The following ANO10 variants were observed in gnomAD, a reference collection of about 807,000 sequenced individuals.
ANO10 encodes the protein anoctamin-10.
ANO10 carries 77 observed loss-of-function variants against 74.7 expected under a neutral mutation model. That is an observed-to-expected ratio of 1.03 (90% CI 0.86 to 1.25). ANO10 has a LOEUF of 1.25. ANO10 is among the 50% of genes most tolerant of loss of function. The pLI is 0.00. For synonymous variants in ANO10, 279 were observed against 284.9 expected, an observed-to-expected ratio of 0.98 and a Z score of 0.21; for missense variants, 721 against 778.1, an observed-to-expected ratio of 0.93 and a Z score of 0.87.
chr3:43,671,212 G>C (rs1384530217), intron 1 of ANO10, among the ~76,000 whole-genome samples: 1 of 152,076 alleles, frequency 6.6e-6, no homozygotes, highest in Admixed American at 6.6e-5. Context: ...AAGTTTATTT[G>C]GTCCCCACAG....
At chr3:43,654,849 C>T (rs1453792692) in intron 1 of ANO10, among the ~76,000 whole-genome samples, 1 of 152,178 alleles carries the variant, frequency 6.6e-6, no homozygotes, top group Non-Finnish European at 1.5e-5. Context: ...ACTCCATGGG[C>T]TACAGTCCTT....
intron 4 of ANO10, among the ~76,000 whole-genome samples, chr3:43,585,305 A>G (rs2081425889): frequency 1.3e-5 from 2 of 152,090 alleles, no homozygotes; most frequent in African/African-American, 4.8e-5. Context: ...ATTTTATTGT[A>G]TTCATATTTA....
At chr3:43,568,168 AC>A (rs940896310) in intron 7 of ANO10, among the ~76,000 whole-genome samples, 1 of 152,220 alleles carries the variant, frequency 6.6e-6, no homozygotes, top group African/African-American at 2.4e-5. Context: ...ATACAGGAGC[AC>A]CAAGATTCAT....
At chr3:43,566,540 G>C (rs551638132) in intron 7 of ANO10, among the ~76,000 whole-genome samples, 1 of 152,202 alleles carries the variant, frequency 6.6e-6, no homozygotes, top group Non-Finnish European at 1.5e-5. Flanking sequence ...TGACCCCCGA[G>C]CAGCCTAACT....
chr3:43,678,424 T>G (rs1477650014), intron 1 of ANO10, among the ~76,000 whole-genome samples: 1 of 152,176 alleles, frequency 6.6e-6, no homozygotes, highest in Non-Finnish European at 1.5e-5. Flanking sequence ...CGCCACACCC[T>G]GGGCCTGGTA....
intron 11 of ANO10, among the ~76,000 whole-genome samples, chr3:43,501,093 G>C (rs918576459): frequency 1.3e-5 from 2 of 152,330 alleles, no homozygotes; most frequent in Admixed American, 1.3e-4. Context: ...ATAAAGAAAA[G>C]AGGTTTATTT....
At chr3:43,585,101 T>C (rs2081418992) in intron 4 of ANO10, among the ~76,000 whole-genome samples, 1 of 152,222 alleles carries the variant, frequency 6.6e-6, no homozygotes, top group Non-Finnish European at 1.5e-5. Flanking sequence ...GTCATAGTTT[T>C]AATTATGCAT....
chr3:43,670,859 C>G lies in ANO10; in HGVS notation c.-12+20658G>C, dbSNP rs562205092. 2.6e-5 allele frequency among the ~76,000 whole-genome samples: 4 copies of G among 152,302 alleles called. No individual in the cohort carries two copies. The South Asian group carries it at 8.3e-4, about 32-fold the overall frequency. On this transcript the variant is annotated intron_variant, in intron 1 of 3. Coordinates refer to the ANO10 transcript ENST00000413397. ...AACAGATGCAAACCCATTATCACTG[C>G]TAGAAACGCAACTCCTGGAGTGTGC...
intron 12 of ANO10, among the ~76,000 whole-genome samples, chr3:43,382,868 T>C (rs994094935): frequency 6.6e-6 from 1 of 152,112 alleles, no homozygotes; most frequent in Non-Finnish European, 1.5e-5. Flanking sequence ...AGCAGTGAGA[T>C]TGAAATGGTA....
intron 12 of ANO10, chr3:43,424,409 G>A (rs183348307): frequency 6.6e-6 from 1 of 152,194 alleles, no homozygotes; most frequent in Non-Finnish European, 1.5e-5. Context: ...TCTTGCCTGG[G>A]AGCCAGACCA....
intron 11 of ANO10, among the ~76,000 whole-genome samples, chr3:43,471,237 G>A (rs2075845834): frequency 6.6e-6 from 1 of 151,948 alleles, no homozygotes; most frequent in South Asian, 2.1e-4. Context: ...AACAGAAAAA[G>A]TATATCCAAT....
chr3:43,552,722 ATATATATG>A (rs1427824432), intron 10 of ANO10, among the ~76,000 whole-genome samples: 2,292 of 100,166 alleles, frequency 0.023, 34 homozygotes, highest in Admixed American at 0.085. Flanking sequence ...ATATATATAT[ATATATATG>A]TATGTATGTA....
chr3:43,463,852 G>A (rs1253091133), intron 11 of ANO10, among the ~76,000 whole-genome samples: 1 of 152,168 alleles, frequency 6.6e-6, no homozygotes, highest in Non-Finnish European at 1.5e-5. Context: ...ATATGGTTTG[G>A]CTGTGTCCTT....
rs748489030 is a variant in ANO10, at chr3:43,565,693, T to C, written c.1253A>G (p.Tyr418Cys). ...NFLNCFASLF[Y>C]IAFVLKDMKL... ...CATATCTTTCAAGACAAAGGCAATA[T>C]AGAAGAGTGAGGCAAAGCAATTGAG... Residue 418 changes from tyrosine to cysteine, a missense_variant, in exon 8 of 13, where the codon TAT (tyrosine) becomes TGT (cysteine). Coordinates refer to ENST00000292246, the MANE Select transcript of ANO10 (RefSeq NM_018075.5). The C allele has an allele frequency of 7.2e-6, 11 of 1,533,854 alleles. No homozygotes were observed. The highest frequency in any genetic ancestry group is 2.0e-5 in the Admixed American group (1 of 49,892).
chr3:43,400,739 C>T (rs1269289305), intron 12 of ANO10, among the ~76,000 whole-genome samples: 1 of 152,078 alleles, frequency 6.6e-6, no homozygotes, highest in Non-Finnish European at 1.5e-5. Flanking sequence ...CTGATGGTGC[C>T]ACTGAACTCC....
chr3:43,575,149 C>T (rs1446225711), intron 6 of ANO10, among the ~76,000 whole-genome samples: 3 of 152,026 alleles, frequency 2.0e-5, no homozygotes, highest in East Asian at 1.9e-4. Context: ...GACAGCCACC[C>T]AAAGACCCTG....
At chr3:43,530,960 G>A (rs144412157) in intron 11 of ANO10, among the ~76,000 whole-genome samples, 1 of 152,076 alleles carries the variant, frequency 6.6e-6, no homozygotes, top group African/African-American at 2.4e-5. Context: ...GGCACACACA[G>A]AATATTCAAA....
chr3:43,572,536 C>G (rs1425130605), intron 7 of ANO10, among the ~76,000 whole-genome samples: 1 of 152,126 alleles, frequency 6.6e-6, no homozygotes, highest in African/African-American at 2.4e-5. Flanking sequence ...ACCAGTCTGG[C>G]CTGGGAAGCA....
At chr3:43,646,574 C>CA (rs2083728965) in intron 1 of ANO10, among the ~76,000 whole-genome samples, 1 of 152,104 alleles carries the variant, frequency 6.6e-6, no homozygotes, top group African/African-American at 2.4e-5. Flanking sequence ...CTCTGATGCC[C>CA]AGGCTGGAGT....
Sources: allele counts gnomAD v4.1 joint callset (sites outside exome capture counted in the v4.1 genomes callset), GRCh38; gene constraint gnomAD v4.1.1; transcripts MANE v1.5; gene names NCBI Gene and HGNC (gene_info 2026-07-23, HGNC 2026-07-21).